Variants in MRPL1 observed in about 807,000 individuals in gnomAD.
MRPL1 encodes the protein large ribosomal subunit protein uL1m.
A neutral mutation model predicts 38.0 loss-of-function variants in MRPL1; 28 were observed. That is an observed-to-expected ratio of 0.74 (90% CI 0.55 to 1.01). The LOEUF (loss-of-function observed/expected upper bound fraction) is 1.01, where lower values mean the gene tolerates loss of function less well. Among genes scored for constraint, MRPL1 ranks in the 50% least tolerant of loss-of-function variants. The probability of loss-of-function intolerance (pLI) is 0.00; values close to 1 mark genes in which losing one functional copy is unlikely to be tolerated. For missense variants in MRPL1, 358 were observed against 389.8 expected, an observed-to-expected ratio of 0.92 and a Z score of 0.69; for synonymous variants, 123 against 126.7, an observed-to-expected ratio of 0.97 and a Z score of 0.20.
chr4:77,866,295 A>G (rs557449249), intron 1 of MRPL1, among the ~76,000 whole-genome samples: 6 of 151,818 alleles, frequency 4.0e-5, no homozygotes, highest in Non-Finnish European at 8.8e-5. Context: ...CAGGTGATCC[A>G]CCCGCCTCAG....
chr4:77,919,849 A>ATGTG lies in MRPL1; in HGVS notation c.777+10493_777+10496dup, dbSNP rs1553906969. On this transcript the variant is annotated intron_variant, in intron 7 of 8. Coordinates refer to ENST00000315567, the MANE Select transcript of MRPL1 (RefSeq NM_020236.4). ...TCAGATCCATGTTATATATATATATATGTGTGTGTGTGTGTGTGTTTTCTA... is the reference window on the plus strand; with the variant it reads ...TCAGATCCATGTTATATATATATATATGTGTGTGTGTGTGTGTGTGTGTTTTCTA... 5.5e-3 allele frequency among the ~76,000 whole-genome samples: 824 copies of ATGTG among 149,462 alleles called. 14 individuals carry two copies. Among genetic ancestry groups the ATGTG allele is most frequent in the African/African-American group, 0.018 (742 of 40,750 alleles).
intron 6 of MRPL1, among the ~76,000 whole-genome samples, chr4:77,896,120 T>C (rs1439227325): frequency 6.6e-6 from 1 of 151,662 alleles, no homozygotes; most frequent in Non-Finnish European, 1.5e-5. Flanking sequence ...TGCTACTTTA[T>C]CCATTCTCTC....
intron 3 of MRPL1, among the ~76,000 whole-genome samples, chr4:77,884,651 C>G (rs541611074): frequency 1.3e-5 from 2 of 152,282 alleles, no homozygotes; most frequent in East Asian, 3.9e-4. Flanking sequence ...CTCAGAAGAT[C>G]CCTTTAGGCT....
intron 7 of MRPL1, among the ~76,000 whole-genome samples, chr4:77,933,933 A>T (rs1426173608): frequency 6.6e-6 from 1 of 152,262 alleles, no homozygotes; most frequent in Middle Eastern, 3.4e-3. Flanking sequence ...CTGAACACAA[A>T]TGTTTACAGT....
chr4:77,885,057 AT>A (rs1382582674), intron 3 of MRPL1, among the ~76,000 whole-genome samples, 198 bp from the exon 4 acceptor site: 4 of 152,216 alleles, frequency 2.6e-5, no homozygotes, highest in Non-Finnish European at 4.4e-5. Flanking sequence ...TGAAAAAAAA[AT>A]AATCTGTTGT....
chr4:77,893,371 C>A lies in MRPL1; in HGVS notation c.559-768C>A, dbSNP rs567002832. On this transcript the variant is annotated intron_variant, in intron 5 of 8. Transcript: ENST00000315567. ...AGCTCAATTGATTTGCCTGCCTTGG[C>A]CTCCCAAAGTGCTGGGATTACAGGT... Among the ~76,000 whole-genome samples, 4 of 151,944 alleles carry A rather than the reference C, an allele frequency of 2.6e-5. No homozygotes were observed. In the East Asian group the frequency reaches 7.7e-4, roughly 29 times the overall value.
chr4:77,886,810 T>C (rs1735687567), intron 4 of MRPL1, among the ~76,000 whole-genome samples: 1 of 137,148 alleles, frequency 7.3e-6, no homozygotes, highest in Non-Finnish European at 1.5e-5. Context: ...TTTTTTTTTT[T>C]GAGATGGAGT....
chr4:77,890,271 G>A (rs2110238733), intron 5 of MRPL1, among the ~76,000 whole-genome samples: 1 of 152,252 alleles, frequency 6.6e-6, no homozygotes, highest in African/African-American at 2.4e-5. Flanking sequence ...ACATCAAAAA[G>A]CTAAAGCTTA....
Position 77,887,275 on chromosome 4 carries a change from C to A in MRPL1, c.542C>A (p.Thr181Asn), listed in dbSNP as rs370691190. The A allele has an allele frequency of 1.4e-5, 23 of 1,613,330 alleles. No individual in the cohort carries two copies. Among genetic ancestry groups the A allele is most frequent in the Non-Finnish European group, 2.0e-5 (23 of 1,179,428 alleles). Residue 181 changes from threonine to asparagine, a missense_variant, in exon 5 of 9, where the codon ACT (threonine) becomes AAT (asparagine). Thr to Asn is a moderately conservative substitution (Grantham distance 65). Coordinates refer to ENST00000315567, the MANE Select transcript of MRPL1 (RefSeq NM_020236.4). The part of the protein sequence containing the change: ...EENGAAFAGG[T>N]SLIQKIWDDE... ...AATGGAGCTGCATTTGCAGGAGGCA[C>A]TAGTCTGATACAGAAGGTACAGTGT...
At chr4:77,907,936 C>G (rs1339203664) in intron 6 of MRPL1, among the ~76,000 whole-genome samples, 2 of 148,830 alleles carry the variant, frequency 1.3e-5, no homozygotes, top group South Asian at 2.1e-4. Flanking sequence ...GTTGCCCAGG[C>G]TGCCAGGCTG....
rs1737162193 is a variant in MRPL1 at position 77,942,620 on chromosome 4, A to G, written c.778-7177A>G. Among the ~76,000 whole-genome samples, 3 of 152,144 alleles carry G rather than the reference A, an allele frequency of 2.0e-5. No individual in the cohort carries two copies. The South Asian group carries it at 6.2e-4, about 32-fold the overall frequency. ...GTTCTTTTGTCTTTATATAATGTCA[A>G]AATATAATGTCTTTGTCTTTTCTAA... On this transcript the variant is annotated intron_variant, in intron 7 of 8. Transcript: ENST00000315567.
intron 4 of MRPL1, among the ~76,000 whole-genome samples, chr4:77,885,922 C>G (rs1735666613): frequency 6.6e-6 from 1 of 152,194 alleles, no homozygotes; most frequent in Non-Finnish European, 1.5e-5. Flanking sequence ...TGGAATTTAT[C>G]AATTTATCCT....
intron 7 of MRPL1, among the ~76,000 whole-genome samples, chr4:77,923,542 A>G (rs555265497): frequency 2.0e-5 from 3 of 152,334 alleles, no homozygotes; most frequent in African/African-American, 7.2e-5. Flanking sequence ...GATAAACCCT[A>G]TTGTATATTA....
intron 7 of MRPL1, among the ~76,000 whole-genome samples, chr4:77,943,104 T>C (rs1737173665): frequency 6.6e-6 from 1 of 152,164 alleles, no homozygotes; most frequent in Non-Finnish European, 1.5e-5. Flanking sequence ...CATTTGTTTG[T>C]CTGAAAAAGA....
In MRPL1 at chr4:77,935,858, C is replaced by T. The variant is rs892554972; in HGVS notation, c.778-13939C>T. Among the ~76,000 whole-genome samples, 4 of 149,982 alleles carry T rather than the reference C, an allele frequency of 2.7e-5. No individual in the cohort carries two copies. The East Asian group carries it at 5.9e-4, about 22-fold the overall frequency. On this transcript the variant is annotated intron_variant, in intron 7 of 8. Transcript: ENST00000315567. ...AAGGCAGGAGAATCACTTGAACCTG[C>T]GAGGCAGAGGTTGCAGTGAGCCAAG... is the stretch of plus-strand genomic sequence containing the variant.
At chr4:77,938,351 A>G (rs142044843) in intron 7 of MRPL1, among the ~76,000 whole-genome samples, 1,771 of 152,320 alleles carry the variant, frequency 0.012, 16 homozygotes, top group African/African-American at 0.04. Context: ...CAGATATACC[A>G]TTTATCTGCT....
chr4:77,908,075 G>A (rs1736199930), intron 6 of MRPL1, among the ~76,000 whole-genome samples: 1 of 151,004 alleles, frequency 6.6e-6, no homozygotes, highest in Non-Finnish European at 1.5e-5. Flanking sequence ...AGAAACTCAT[G>A]CCAGTTTCTG....
At chr4:77,906,978 T>C in intron 6 of MRPL1, 1 of 985,302 alleles carries the variant, frequency 1.0e-6, no homozygotes, top group Non-Finnish European at 1.2e-6. Flanking sequence ...TTGCTTTCAC[T>C]TATAGCTGTA....
intron 2 of MRPL1, among the ~76,000 whole-genome samples, chr4:77,873,051 A>C (rs1460059513): frequency 6.6e-6 from 1 of 152,114 alleles, no homozygotes; most frequent in Admixed American, 6.6e-5. Context: ...ATAAGATAAG[A>C]TATATGTAAA....
Sources: gnomAD v4.1 joint callset for allele counts (sites outside exome capture counted in the v4.1 genomes callset) on GRCh38, gnomAD v4.1.1 for gene constraint, MANE v1.5 for transcripts, NCBI Gene and HGNC (gene_info 2026-07-23, HGNC 2026-07-21) for gene names.